Variants in ALDH6A1 observed in about 807,000 individuals in gnomAD.
ALDH6A1 encodes aldehyde dehydrogenase 6 family member A1, also known as methylmalonate-semialdehyde/malonate-semialdehyde dehydrogenase [acylating], mitochondrial.
ALDH6A1 carries 43 observed loss-of-function variants against 62.6 expected under a neutral mutation model. The ratio of observed to expected loss-of-function variants is 0.69; its 90% confidence interval spans 0.54 to 0.89. The LOEUF is 0.89. Ranked by LOEUF, ALDH6A1 falls within the 40% of genes least tolerant of loss-of-function variation. The probability of loss-of-function intolerance (pLI) is 0.00; values close to 1 mark genes in which losing one functional copy is unlikely to be tolerated. For synonymous variants in ALDH6A1, 194 were observed against 234.2 expected, an observed-to-expected ratio of 0.83 and a Z score of 1.57; for missense variants, 551 against 661.3, an observed-to-expected ratio of 0.83 and a Z score of 1.83.
Position 74,062,051 on chromosome 14 carries a change from G to GGA in ALDH6A1, c.1504-1306_1504-1305insTC, listed in dbSNP as rs1176468419. Among the ~76,000 whole-genome samples the GGA allele has an allele frequency of 1.8e-3, 107 of 59,618 alleles. 7 individuals are homozygous for GGA. The highest frequency in any genetic ancestry group is 0.016 in the Middle Eastern group (1 of 64). 39.1% of individuals were successfully genotyped at this position (59,618 alleles called of 152,430 possible). A position where few individuals can be genotyped will look rare whatever the true frequency, so the allele number is the denominator to read the frequency against. On this transcript the variant is annotated intron_variant, in intron 11 of 11. Coordinates refer to ENST00000553458, the MANE Select transcript of ALDH6A1 (RefSeq NM_005589.4). The stretch of plus-strand genomic sequence containing the variant: ...CATGGCGAAACCTCGTCTCTACTGG[G>GGA]AAAAAAAAAAAAAAAAAAAAAAAAA...
At chr14:74,064,415 A>G (rs2139759999) in intron 11 of ALDH6A1, among the ~76,000 whole-genome samples, 1 of 152,292 alleles carries the variant, frequency 6.6e-6, no homozygotes, top group South Asian at 2.1e-4. Context: ...CAATGGGAAC[A>G]CACTGGGGTC....
chr14:74,064,823 T>C lies in ALDH6A1; in HGVS notation c.1502A>G (p.Gln501Arg). ...CAAAAAATTTAACTCAAAAGTTACC[T>C]GTTTGCCATAGAAATTGGTGTCTCC... Reference protein sequence around the residue: ...FRGDTNFYGKQGIQFYTQLKT... With the variant: ...FRGDTNFYGKRGIQFYTQLKT... The change falls in exon 11 of 12, where the codon CAG (glutamine) becomes CGG (arginine). Residue 501 changes from glutamine (Q) to arginine (R), a missense_variant and splice_region_variant. Coordinates refer to ENST00000553458, the MANE Select transcript of ALDH6A1 (RefSeq NM_005589.4). The C allele has an allele frequency of 6.2e-7, 1 of 1,613,930 alleles. No individual in the cohort carries two copies. The highest frequency in any genetic ancestry group is 8.5e-7 in the Non-Finnish European group (1 of 1,179,824).
At chr14:74,073,609 T>C (rs1434522475) in intron 2 of ALDH6A1, among the ~76,000 whole-genome samples, 1 of 152,148 alleles carries the variant, frequency 6.6e-6, no homozygotes, top group Non-Finnish European at 1.5e-5. Context: ...TGTGAGCATG[T>C]ATTACCTTTA....
In ALDH6A1 at chr14:74,065,527, G is replaced by A. The variant is rs2060447692; in HGVS notation, c.1225-167C>T. 3 of 661,650 alleles carry A rather than the reference G, an allele frequency of 4.5e-6. No homozygotes were observed. In the African/African-American group the frequency reaches 5.5e-5, roughly 12 times the overall value. 41.0% of individuals were successfully genotyped at this position (661,650 alleles called of 1,614,324 possible). A position where few individuals can be genotyped will look rare whatever the true frequency, so the allele number is the denominator to read the frequency against. The stretch of plus-strand genomic sequence containing the variant: ...ATTTAAAAAAAAAGTCCTCTCTCAA[G>A]TGTATTCCGTCTTCCAAGTTACCAA... On this transcript the variant is annotated intron_variant, in intron 9 of 11. Transcript: ENST00000553458.
intron 9 of ALDH6A1, among the ~76,000 whole-genome samples, chr14:74,066,274 T>C (rs185266033): frequency 1.3e-5 from 2 of 152,306 alleles, no homozygotes; most frequent in East Asian, 3.9e-4. Flanking sequence ...CCTGTTTTTG[T>C]ACAGCCCCAA....
Position 74,057,762 on chromosome 14 carries a change from A to G in ALDH6A1, c.*2880T>C. 1 of 1,129,176 alleles carries G rather than the reference A, an allele frequency of 8.9e-7. No homozygotes were observed. Among genetic ancestry groups the G allele is most frequent in the Non-Finnish European group, 1.1e-6 (1 of 911,686 alleles). The allele number at this position is 1,129,176 out of a possible 1,614,324, so 69.9% of individuals were successfully genotyped here. ...ATGAAGCCACATTAGAACAAAAAGA[A>G]AATACTGACTTTTTAGCCGCGATCA... On this transcript the variant is annotated 3_prime_UTR_variant, in exon 12 of 12. Transcript: ENST00000553458.
intron 11 of ALDH6A1, among the ~76,000 whole-genome samples, chr14:74,062,528 G>A (rs1406876856): frequency 1.3e-5 from 2 of 151,916 alleles, no homozygotes; most frequent in Non-Finnish European, 2.9e-5. Context: ...TTGAACCCTG[G>A]AGGCTGAGGT....
At chr14:74,062,797 T>C (rs36030304) in intron 11 of ALDH6A1, among the ~76,000 whole-genome samples, 78,990 of 151,896 alleles carry the variant, frequency 0.52, 21,211 homozygotes, top group East Asian at 0.89. Flanking sequence ...TGGCAGCACA[T>C]AGCTGGCACA....
intron 9 of ALDH6A1, 147 bp from the exon 10 acceptor site, chr14:74,065,507 A>G: frequency 1.3e-6 from 1 of 785,748 alleles, no homozygotes. Context: ...CACCTATTTA[A>G]AAAAAAAGTC....
Position 74,084,399 on chromosome 14 carries a change from C to T in ALDH6A1, c.-5G>A. ...CGCCGCCAATAGCGCCGCCATGGCTCTCGGCCGCCCTAGCTCCGCACCCCG... is the reference window on the plus strand; with the variant it reads ...CGCCGCCAATAGCGCCGCCATGGCTTTCGGCCGCCCTAGCTCCGCACCCCG... On this transcript the variant is annotated 5_prime_UTR_variant, in exon 1 of 12. Coordinates refer to ENST00000553458, the MANE Select transcript of ALDH6A1 (RefSeq NM_005589.4). The T allele has an allele frequency of 6.2e-7, 1 of 1,613,122 alleles. No homozygotes were observed. The highest frequency in any genetic ancestry group is 8.5e-7 in the Non-Finnish European group (1 of 1,179,880).
chr14:74,066,674 C>G (rs1460081026), intron 9 of ALDH6A1, 31 bp downstream of exon 9: 1 of 1,600,488 alleles, frequency 6.2e-7, no homozygotes, highest in Admixed American at 1.7e-5. Flanking sequence ...GTGCCTTCAG[C>G]TCTCATATTT....
At chr14:74,076,693 T>C (rs1381372711) in intron 1 of ALDH6A1, among the ~76,000 whole-genome samples, 1 of 152,100 alleles carries the variant, frequency 6.6e-6, no homozygotes, top group Non-Finnish European at 1.5e-5. Context: ...CCCGCCACCA[T>C]GCCTGGCTAA....
chr14:74,066,777 A>G lies in ALDH6A1; in HGVS notation c.1152T>C (p.Asp384=), dbSNP rs760746001. 2.5e-6 allele frequency: 4 copies of G among 1,614,042 alleles called. No individual in the cohort carries two copies. The highest frequency in any genetic ancestry group is 4.5e-5 in the East Asian group (2 of 44,874). ...GTKEGASILL[D]GRKIKVKGYE... ...AGCCTTTCACTTTAATTTTTCGTCC[A>G]TCAAGAAGGATGGAAGCTCCCTCCT... Residue 384 remains aspartate (D), a synonymous_variant, in exon 9 of 12, where the codon GAT becomes GAC. Transcript: ENST00000553458.
chr14:74,072,213 T>C lies in ALDH6A1; in HGVS notation c.338A>G (p.Lys113Arg). ...ATTTAGATTTCATACCAAGTTTTCT[T>C]TAATAAGTTGTTGATAGCGGAGCAA... The part of the protein sequence containing the change: ...QVLLRYQQLI[K>R]ENLKEIAKLI... The change falls in exon 4 of 12, where the codon AAA (lysine) becomes AGA (arginine). Residue 113 changes from lysine to arginine, a missense_variant. Lys to Arg is a conservative substitution (Grantham distance 26). Transcript: ENST00000553458. 6.2e-7 allele frequency: 1 copy of C among 1,614,204 alleles called. No homozygotes were observed. The highest frequency in any genetic ancestry group is 2.2e-5 in the East Asian group (1 of 44,884).
rs773854633 is a variant in ALDH6A1, at chr14:74,064,851, T to A, written c.1474A>T (p.Arg492Trp). The A allele has an allele frequency of 1.5e-5, 25 of 1,613,904 alleles. No homozygotes were observed. The highest frequency in any genetic ancestry group is 2.0e-5 in the Non-Finnish European group (24 of 1,179,986). The change falls in exon 11 of 12, where the codon AGG becomes TGG. Residue 492 changes from arginine to tryptophan, a missense_variant. Coordinates refer to ENST00000553458, the MANE Select transcript of ALDH6A1 (RefSeq NM_005589.4). ...FSFTGSRSSF[R>W]GDTNFYGKQG... ...TTGCCATAGAAATTGGTGTCTCCCCTGAAGGAGGATCGAGAGCCGGTGAAT... is the reference window on the plus strand; with the variant it reads ...TTGCCATAGAAATTGGTGTCTCCCCAGAAGGAGGATCGAGAGCCGGTGAAT...
Position 74,072,614 on chromosome 14 carries a change from GAAAA to G in ALDH6A1, c.112-7_112-4del, listed in dbSNP as rs771261871. 8.9e-6 allele frequency: 14 copies of G among 1,581,264 alleles called. No homozygotes were observed. Among genetic ancestry groups the G allele is most frequent in the Non-Finnish European group, 1.1e-5 (13 of 1,157,166 alleles). On this transcript the variant is annotated splice_polypyrimidine_tract_variant and splice_region_variant and intron_variant, in intron 2 of 11. Transcript: ENST00000553458. ...CCAATGAAGAGCTTTACAGTTGGCT[GAAAA>G]AAACAAACAAACAAACAAACAAACA...
At chr14:74,069,304 A>G (rs916797922) in intron 6 of ALDH6A1, 2 of 341,124 alleles carry the variant, frequency 5.9e-6, no homozygotes, top group Non-Finnish European at 1.1e-5. Context: ...GGGTTTCACA[A>G]TCTTGGCCAG....
In ALDH6A1 at chr14:74,072,667, T is replaced by G; in HGVS notation, c.112-56A>C. ...CAAAAACATGAAACTTTGTATTAGC[T>G]AATTGCTTTGCTTTTCCCTTTCCCT... On this transcript the variant is annotated intron_variant, in intron 2 of 11. Transcript: ENST00000553458. The G allele has an allele frequency of 9.5e-6, 15 of 1,582,658 alleles. No homozygotes were observed. In the South Asian group the frequency reaches 1.7e-4, roughly 18 times the overall value.
intron 11 of ALDH6A1, chr14:74,064,583 A>G: frequency 9.2e-7 from 1 of 1,083,590 alleles, no homozygotes. Flanking sequence ...GGCATATACA[A>G]AGGCTTAGAC....
Sources: allele counts gnomAD v4.1 joint callset (sites outside exome capture counted in the v4.1 genomes callset), GRCh38; gene constraint gnomAD v4.1.1; transcripts MANE v1.5; gene names NCBI Gene and HGNC (gene_info 2026-07-23, HGNC 2026-07-21).